The following EYS variants were observed in gnomAD, a reference collection of about 807,000 sequenced individuals.
The protein encoded by EYS is protein eyes shut homolog.
EYS carries 250 observed loss-of-function variants against 282.1 expected under a neutral mutation model. The observed-to-expected ratio is 0.89, with a 90% CI of 0.80 to 0.98. EYS has a LOEUF of 0.98. Ranked by LOEUF, EYS falls within the 50% of genes least tolerant of loss-of-function variation. EYS has a pLI of 0.00. For synonymous variants in EYS, 1,355 were observed against 1,282.9 expected (o/e 1.06, Z -1.20); for missense variants, 4,016 against 3,709.0 (o/e 1.08, Z -2.15).
In EYS at chr6:64,493,670, T is replaced by G. The variant is rs1356218038; in HGVS notation, c.5645-54318A>C. ...TGTATTCTTTTTTTTTAATTATACT[T>G]TAAGTTCTAGCGTACATGTGCACAA... On this transcript the variant is annotated intron_variant, in intron 26 of 42. Transcript: ENST00000503581. 7.3e-5 allele frequency among the ~76,000 whole-genome samples: 11 copies of G among 151,662 alleles called. 1 individual carries two copies. In the South Asian group the frequency reaches 1.9e-3, roughly 26 times the overall value.
rs150868347 is a variant in EYS at position 63,987,967 on chromosome 6, T to C, written c.6835-3364A>G. Reference sequence around the variant, plus strand: ...TAACTCTGTATTTGAGATATTGTTCTTTTTAAAAGACTGAGTCTCTGCTCC... The same window carrying C: ...TAACTCTGTATTTGAGATATTGTTCCTTTTAAAAGACTGAGTCTCTGCTCC... On this transcript the variant is annotated intron_variant, in intron 34 of 42. Transcript: ENST00000503581. Among the ~76,000 whole-genome samples, 93 of 151,764 alleles carry C rather than the reference T, an allele frequency of 6.1e-4. 3 individuals carry two copies. Among genetic ancestry groups the C allele is most frequent in the Middle Eastern group, 3.4e-3 (1 of 294 alleles).
At chr6:64,508,563 ATTATTAT>A (rs1174297070) in intron 26 of EYS, among the ~76,000 whole-genome samples, 4 of 145,608 alleles carry the variant, frequency 2.7e-5, no homozygotes, top group African/African-American at 9.9e-5. Flanking sequence ...TATTATTATT[ATTATTAT>A]TATTATTATT....
intron 41 of EYS, among the ~76,000 whole-genome samples, chr6:63,762,089 C>T (rs1769657023): frequency 6.6e-6 from 1 of 151,986 alleles, no homozygotes; most frequent in Admixed American, 6.6e-5. Flanking sequence ...ATATTTCTGA[C>T]AGTTTTGAGT....
At chr6:64,881,292 G>A (rs1479189624) in intron 19 of EYS, among the ~76,000 whole-genome samples, 1 of 151,762 alleles carries the variant, frequency 6.6e-6, no homozygotes, top group Non-Finnish European at 1.5e-5. Flanking sequence ...ATACACATGA[G>A]AACAAGTTAT....
At chr6:64,371,324 GT>G (rs34032224) in intron 29 of EYS, among the ~76,000 whole-genome samples, 59 of 143,110 alleles carry the variant, frequency 4.1e-4, no homozygotes, top group South Asian at 4.3e-4. Context: ...TTTATGGTTG[GT>G]TTTTTTTTTT....
At chr6:64,120,576 A>G (rs1773553247) in intron 31 of EYS, among the ~76,000 whole-genome samples, 1 of 151,900 alleles carries the variant, frequency 6.6e-6, no homozygotes, top group Non-Finnish European at 1.5e-5. Context: ...TCATTGAATT[A>G]TGGCTTCCTG....
intron 35 of EYS, among the ~76,000 whole-genome samples, chr6:63,962,955 T>C (rs1221802645): frequency 6.6e-6 from 1 of 152,150 alleles, no homozygotes; most frequent in Non-Finnish European, 1.5e-5. Context: ...TCATGTCCTT[T>C]GTAGGGACAT....
intron 33 of EYS, among the ~76,000 whole-genome samples, chr6:64,051,997 A>G (rs1174363325): frequency 2.6e-5 from 4 of 152,142 alleles, no homozygotes; most frequent in African/African-American, 9.7e-5. Context: ...GCTCCATGCA[A>G]GTCTCCTTTC....
chr6:65,195,347 A>G (rs541938529), intron 12 of EYS, among the ~76,000 whole-genome samples: 2 of 152,170 alleles, frequency 1.3e-5, no homozygotes, highest in South Asian at 4.1e-4. Flanking sequence ...ATGTCTATTC[A>G]TAAAACATCA....
chr6:64,621,021 A>G (rs1226198005), intron 23 of EYS, among the ~76,000 whole-genome samples: 1 of 151,476 alleles, frequency 6.6e-6, no homozygotes, highest in African/African-American at 2.4e-5. Flanking sequence ...ATTTTTACTA[A>G]TTTTTTTTTA....
intron 12 of EYS, among the ~76,000 whole-genome samples, chr6:65,174,430 A>G (rs911890745): frequency 2.0e-5 from 3 of 151,342 alleles, no homozygotes; most frequent in Non-Finnish European, 4.4e-5. Context: ...GGAAATTGCC[A>G]TTAGACTTTA....
intron 29 of EYS, among the ~76,000 whole-genome samples, chr6:64,319,579 A>C (rs1166674817): frequency 6.6e-6 from 1 of 151,818 alleles, no homozygotes; most frequent in Non-Finnish European, 1.5e-5. Context: ...CTATTGAAAA[A>C]CTATATATTA....
intron 35 of EYS, among the ~76,000 whole-genome samples, chr6:63,928,444 G>T (rs1764784702): frequency 6.6e-6 from 1 of 152,106 alleles, no homozygotes; most frequent in Non-Finnish European, 1.5e-5. Flanking sequence ...ACATACAATA[G>T]GTGATCAGTG....
chr6:64,603,346 G>C (rs1033776271), intron 24 of EYS, among the ~76,000 whole-genome samples: 3 of 151,808 alleles, frequency 2.0e-5, no homozygotes, highest in African/African-American at 7.3e-5. Context: ...ATCCCACAGA[G>C]ATTTTGTTTC....
chr6:63,786,943 G>A (rs765250595), intron 39 of EYS, among the ~76,000 whole-genome samples: 12 of 152,086 alleles, frequency 7.9e-5, no homozygotes, highest in Non-Finnish European at 1.8e-4. Context: ...GTAACAATAC[G>A]CCATGATTTA....
chr6:64,350,949 C>T (rs1252341085), intron 29 of EYS, among the ~76,000 whole-genome samples: 1 of 151,462 alleles, frequency 6.6e-6, no homozygotes, highest in East Asian at 2.0e-4. Flanking sequence ...CCCAACTTCA[C>T]TTGGCACTTG....
chr6:64,986,884 C>T (rs1459497126), intron 14 of EYS, among the ~76,000 whole-genome samples: 1 of 150,918 alleles, frequency 6.6e-6, no homozygotes, highest in East Asian at 2.0e-4. Context: ...TAAAGAAAAA[C>T]CTTGGTGGCA....
intron 31 of EYS, among the ~76,000 whole-genome samples, chr6:64,151,765 G>A (rs1774748355): frequency 6.6e-6 from 1 of 152,092 alleles, no homozygotes; most frequent in Non-Finnish European, 1.5e-5. Flanking sequence ...CAAAACTGTA[G>A]AAGCAGTAAT....
At chr6:64,070,704 A>T (rs768051523) in intron 32 of EYS, among the ~76,000 whole-genome samples, 32 of 152,112 alleles carry the variant, frequency 2.1e-4, no homozygotes, top group Non-Finnish European at 3.8e-4. Context: ...GTTACAGAAT[A>T]TTAAAACTTG....
Sources: gnomAD v4.1 joint callset for allele counts (sites outside exome capture counted in the v4.1 genomes callset) on GRCh38, gnomAD v4.1.1 for gene constraint, MANE v1.5 for transcripts, NCBI Gene and HGNC (gene_info 2026-07-23, HGNC 2026-07-21) for gene names.